Variants in SHD observed in about 807,000 individuals in gnomAD.
SHD encodes the protein SH2 domain-containing adapter protein D.
A neutral mutation model predicts 31.2 loss-of-function variants in SHD; 29 were observed. The observed-to-expected ratio is 0.93, with a 90% CI of 0.69 to 1.27. The LOEUF is 1.27. Ranked by LOEUF, SHD falls within the 50% of genes most tolerant of loss-of-function variation. SHD has a pLI of 0.00. For missense variants in SHD, 520 were observed against 453.8 expected, an observed-to-expected ratio of 1.15 and a Z score of -1.33; for synonymous variants, 208 against 187.8, an observed-to-expected ratio of 1.11 and a Z score of -0.88.
At chr19:4,285,695 G>T (rs879686102) in intron 4 of SHD, among the ~76,000 whole-genome samples, 3 of 149,228 alleles carry the variant, frequency 2.0e-5, no homozygotes, top group African/African-American at 7.4e-5. Flanking sequence ...GACTACAGGC[G>T]TGCACCACCA....
chr19:4,290,341 G>A (rs1382979018), intron 5 of SHD, 106 bp from the exon 6 acceptor site: 31 of 1,204,542 alleles, frequency 2.6e-5, no homozygotes, highest in Non-Finnish European at 3.5e-5. Context: ...AGAGACTGGA[G>A]ACACACGAGC....
chr19:4,283,334 G>C, intron 3 of SHD, 92 bp downstream of exon 3: 1 of 1,294,968 alleles, frequency 7.7e-7, no homozygotes, highest in Non-Finnish European at 1.1e-6. Flanking sequence ...ACAAAGTAGA[G>C]TCCAATTACT....
At chr19:4,288,492 G>T in intron 5 of SHD, 130 bp downstream of exon 5, 4 of 1,051,074 alleles carry the variant, frequency 3.8e-6, no homozygotes, top group Admixed American at 3.0e-5. Flanking sequence ...CAGTGGGTGG[G>T]ACTTCTAGGA....
rs1971345527 is a variant in SHD at position 4,288,737 on chromosome 19, G to C, written c.836+375G>C. ...TCAGGGTGTACCTGTAAGCGTTTTA[G>C]GTTGAGACCCTGTTTGTACGCACTT... On this transcript the variant is annotated intron_variant, in intron 5 of 5. Transcript: ENST00000543264. Among the ~76,000 whole-genome samples, 3 of 152,124 alleles carry C rather than the reference G, an allele frequency of 2.0e-5. No individual in the cohort carries two copies. In the South Asian group the frequency reaches 6.2e-4, roughly 31 times the overall value.
intron 3 of SHD, 91 bp from the exon 4 acceptor site, chr19:4,284,690 G>C: frequency 7.3e-7 from 1 of 1,363,548 alleles, no homozygotes; most frequent in East Asian, 2.7e-5. Context: ...AGCTGGCCCT[G>C]CCTTTCTACC....
chr19:4,286,335 CCTTTCTTT>C (rs1202829831), intron 4 of SHD, among the ~76,000 whole-genome samples: 1 of 128,540 alleles, frequency 7.8e-6, no homozygotes, highest in East Asian at 2.1e-4. Flanking sequence ...TTCCTTCCTT[CCTTTCTTT>C]CTCTCTTTCT....
chr19:4,280,261 C>G lies in SHD; in HGVS notation c.198C>G (p.Pro66=). Reference sequence around the variant, plus strand: ...CGGGCCCTGGGGACTCCAAGAACCCCGGAGATGCCAAGTATGGTTCTCCCA... The same window carrying G: ...CGGGCCCTGGGGACTCCAAGAACCCGGGAGATGCCAAGTATGGTTCTCCCA... ...DPAGPGDSKN[P]GDAKYGSPKH... The change falls in exon 1 of 6, where the codon CCC becomes CCG. Residue 66 remains proline, a synonymous_variant. Transcript: ENST00000543264. 3 of 1,613,568 alleles carry G rather than the reference C, an allele frequency of 1.9e-6. No homozygotes were observed. The highest frequency in any genetic ancestry group is 2.5e-6 in the Non-Finnish European group (3 of 1,179,908).
At chr19:4,289,761 C>T (rs146770427) in intron 5 of SHD, among the ~76,000 whole-genome samples, 7,033 of 150,232 alleles carry the variant, frequency 0.047, 390 homozygotes, top group African/African-American at 0.13. Context: ...TTAGTAGACA[C>T]GGGGTTTCAC....
chr19:4,287,927 C>T (rs908466532), intron 4 of SHD, among the ~76,000 whole-genome samples: 2 of 151,790 alleles, frequency 1.3e-5, no homozygotes, highest in African/African-American at 4.8e-5. Context: ...TGTTTTGAGA[C>T]AGAGTCTCAC....
At chr19:4,282,792 G>T in intron 1 of SHD, 78 bp from the exon 2 acceptor site, 1 of 1,113,080 alleles carries the variant, frequency 9.0e-7, no homozygotes, top group Admixed American at 2.0e-5. Context: ...TGGCCCTGTG[G>T]GCAGGCAAGA....
chr19:4,290,506 T>G lies in SHD; in HGVS notation c.896T>G (p.Leu299Arg). 6.2e-7 allele frequency: 1 copy of G among 1,613,610 alleles called. No homozygotes were observed. Among genetic ancestry groups the G allele is most frequent in the Non-Finnish European group, 8.5e-7 (1 of 1,179,980 alleles). Reference protein sequence around the residue: ...FARTRENQVVLGQHSGPFPSV... With the variant: ...FARTRENQVVRGQHSGPFPSV... Reference sequence around the variant, plus strand: ...CGGACCCGTGAGAACCAGGTGGTGCTGGGCCAACACAGCGGGCCCTTCCCC... The same window carrying G: ...CGGACCCGTGAGAACCAGGTGGTGCGGGGCCAACACAGCGGGCCCTTCCCC... Residue 299 changes from leucine (L) to arginine (R), a missense_variant, in exon 6 of 6, where the codon CTG becomes CGG. Physicochemically the swap from Leu to Arg is moderately radical, Grantham distance 102 (BLOSUM62 -2). Transcript: ENST00000543264.
intron 4 of SHD, among the ~76,000 whole-genome samples, chr19:4,287,017 C>T (rs1971326612): frequency 6.6e-6 from 1 of 151,556 alleles, no homozygotes; most frequent in African/African-American, 2.4e-5. Context: ...GGTGAAACCC[C>T]ATCTCTACTA....
chr19:4,289,092 G>A (rs1048096774), intron 5 of SHD, among the ~76,000 whole-genome samples: 3 of 146,740 alleles, frequency 2.0e-5, no homozygotes, highest in African/African-American at 5.0e-5. Flanking sequence ...GCATACCACC[G>A]TGCCCAGCTA....
intron 3 of SHD, chr19:4,284,494 G>T: frequency 3.9e-6 from 1 of 253,196 alleles, no homozygotes; most frequent in Admixed American, 5.5e-5. Context: ...CCCCAGAAGG[G>T]GTTTAGGGAC....
intron 3 of SHD, among the ~76,000 whole-genome samples, chr19:4,283,860 G>GTA (rs1971282356): frequency 6.6e-6 from 1 of 151,498 alleles, no homozygotes; most frequent in African/African-American, 2.4e-5. Flanking sequence ...TTACAGGCAG[G>GTA]AGCCACCGCG....
chr19:4,279,974 ACCT>A lies in SHD; in HGVS notation c.-77_-75del, dbSNP rs1198201199. ...CTTCCCTGCTCTTCCCTTCCTCTCC[ACCT>A]CCTCCTCCTCCTTGGGGAAAGGGGC... On this transcript the variant is annotated 5_prime_UTR_variant, in exon 1 of 6. Coordinates refer to ENST00000543264, the MANE Select transcript of SHD (RefSeq NM_020209.4). This position sits in a 1 kb window ranked among gnomAD's most constrained non-coding sequence, Gnocchi z 7.5. 1.3e-4 allele frequency: 178 copies of A among 1,397,674 alleles called. No homozygotes were observed. The highest frequency in any genetic ancestry group is 2.4e-4 in the Middle Eastern group (1 of 4,142). The allele number at this position is 1,397,674 out of a possible 1,614,324, so 86.6% of individuals were successfully genotyped here.
intron 1 of SHD, among the ~76,000 whole-genome samples, chr19:4,281,564 C>T (rs1331738059): frequency 6.6e-6 from 1 of 151,950 alleles, no homozygotes; most frequent in African/African-American, 2.4e-5. Context: ...TCCAGACCAG[C>T]CTGGCCAACA....
chr19:4,289,037 G>A (rs1037222011), intron 5 of SHD, among the ~76,000 whole-genome samples: 1 of 151,520 alleles, frequency 6.6e-6, no homozygotes, highest in Non-Finnish European at 1.5e-5. Context: ...CTCGGAGGCT[G>A]AGGCAGGAGA....
In SHD at chr19:4,280,102, T is replaced by A; in HGVS notation, c.39T>A (p.Gly13=). The A allele has an allele frequency of 6.2e-7, 1 of 1,608,084 alleles. No individual in the cohort carries two copies. The highest frequency in any genetic ancestry group is 2.2e-5 in the East Asian group (1 of 44,612). Residue 13 remains glycine, a synonymous_variant, in exon 1 of 6, where the codon GGT becomes GGA. Transcript: ENST00000543264. ...TACGGGACTACCTGAGCTTTGGGGG[T>A]CGGAGGCCCCCTCCGCAGCCGCCCA... The part of the protein sequence containing the change: ...KWLRDYLSFG[G]RRPPPQPPTP...
Sources: gnomAD v4.1 joint callset for allele counts (sites outside exome capture counted in the v4.1 genomes callset) on GRCh38, gnomAD v4.1.1 for gene constraint, Gnocchi (gnomAD v3.1) non-coding constraint, MANE v1.5 for transcripts, NCBI Gene and HGNC (gene_info 2026-07-23, HGNC 2026-07-21) for gene names.